The following STAT3 variants were observed in gnomAD, a reference collection of about 807,000 sequenced individuals.
STAT3 encodes the protein DNA-binding protein APRF.
A neutral mutation model predicts 114.3 loss-of-function variants in STAT3; 7 were observed. The ratio of observed to expected loss-of-function variants is 0.06; its 90% CI spans 0.03 to 0.11. The LOEUF (loss-of-function observed/expected upper bound fraction) is 0.11. Among genes scored for constraint, STAT3 ranks in the 10% least tolerant of loss-of-function variants. The pLI is 1.00. For missense variants in STAT3, 364 were observed against 960.9 expected (o/e 0.38, Z 8.21); for synonymous variants, 331 against 354.5 (o/e 0.93, Z 0.74).
chr17:42,377,253 GTTTTTT>G (rs2084522096), intron 1 of STAT3, among the ~76,000 whole-genome samples: 1 of 151,980 alleles, frequency 6.6e-6, no homozygotes, highest in South Asian at 2.1e-4. Context: ...TTTTGTTTTT[GTTTTTT>G]GAGACAGAAT....
rs1401209656 is a variant in STAT3, at chr17:42,330,785, G to T, written c.1109+687C>A. ...GTATATGTATTTTACATCCTGAAAG[G>T]TATTGTGAAATTTTGCGTATTCCAT... On this transcript the variant is annotated intron_variant, in intron 11 of 23. Transcript: ENST00000264657. Among the ~76,000 whole-genome samples, 3 of 152,064 alleles carry T rather than the reference G, an allele frequency of 2.0e-5. No individual in the cohort carries two copies. In the East Asian group the frequency reaches 5.8e-4, roughly 29 times the overall value.
At chr17:42,370,397 C>T (rs901364668) in intron 1 of STAT3, among the ~76,000 whole-genome samples, 5 of 151,760 alleles carry the variant, frequency 3.3e-5, no homozygotes, top group African/African-American at 1.2e-4. Flanking sequence ...AGGCGCCTGC[C>T]ACCACACCTG....
At chr17:42,384,015 C>T (rs1384263063) in intron 1 of STAT3, among the ~76,000 whole-genome samples, 2 of 152,214 alleles carry the variant, frequency 1.3e-5, no homozygotes, top group African/African-American at 2.4e-5. Context: ...CACTGATTTA[C>T]TTTGTACAAA....
chr17:42,355,911 G>A (rs1394532562), intron 1 of STAT3, among the ~76,000 whole-genome samples: 1 of 152,206 alleles, frequency 6.6e-6, no homozygotes, highest in Non-Finnish European at 1.5e-5. Context: ...CGGAAAGAGA[G>A]ACGAAAATCA....
At chr17:42,341,179 G>T (rs773960637) in intron 4 of STAT3, among the ~76,000 whole-genome samples, 1 of 152,120 alleles carries the variant, frequency 6.6e-6, no homozygotes, top group Non-Finnish European at 1.5e-5. Context: ...CATGATTAAC[G>T]ATCACCCACA....
chr17:42,328,586 T>G (rs1421564305), intron 14 of STAT3, among the ~76,000 whole-genome samples: 1 of 152,150 alleles, frequency 6.6e-6, no homozygotes, highest in Non-Finnish European at 1.5e-5. Flanking sequence ...TTTTGTATCT[T>G]TAGTAGAGAC....
At chr17:42,379,875 C>T (rs760740541) in intron 1 of STAT3, among the ~76,000 whole-genome samples, 16 of 152,014 alleles carry the variant, frequency 1.1e-4, no homozygotes, top group Admixed American at 6.6e-4. Flanking sequence ...AATGTAAGTC[C>T]CCCATCCCTA....
At chr17:42,362,747 C>T (rs755958759) in intron 1 of STAT3, among the ~76,000 whole-genome samples, 14 of 152,180 alleles carry the variant, frequency 9.2e-5, no homozygotes, top group Non-Finnish European at 1.6e-4. Flanking sequence ...AGCCCAATAG[C>T]GTGCAGCATG....
intron 1 of STAT3, among the ~76,000 whole-genome samples, chr17:42,356,456 G>A (rs1028274433): frequency 2.0e-5 from 3 of 150,354 alleles, no homozygotes; most frequent in Non-Finnish European, 4.4e-5. Context: ...CCCTGTCTCC[G>A]AAAAAATAAA....
Position 42,333,733 on chromosome 17 carries a change from G to C in STAT3, c.989C>G (p.Pro330Arg), listed in dbSNP as rs1427784630. Residue 330 changes from proline (P) to arginine (R), a missense_variant, in exon 10 of 24, where the codon CCC becomes CGC. Around this residue, in one of 5 missense-constraint regions of STAT3, gnomAD observed 294 missense variants for 745.1 expected, o/e 0.39. Transcript: ENST00000264657. This position sits in a 1 kb window ranked among gnomAD's most constrained non-coding sequence, Gnocchi z 5.2. ...AFVVERQPCM[P>R]MHPDRPLVIK... ...GACGAGGGGCCGGTCAGGATGCATGGGCATGCAGGGCTGCCGCTCCACCAC... is the reference window on the plus strand; with the variant it reads ...GACGAGGGGCCGGTCAGGATGCATGCGCATGCAGGGCTGCCGCTCCACCAC... 6.2e-7 allele frequency: 1 copy of C among 1,614,148 alleles called. No individual in the cohort carries two copies. Among genetic ancestry groups the C allele is most frequent in the Non-Finnish European group, 8.5e-7 (1 of 1,180,042 alleles).
intron 1 of STAT3, among the ~76,000 whole-genome samples, chr17:42,369,540 T>A (rs897143313): frequency 6.6e-6 from 1 of 152,188 alleles, no homozygotes; most frequent in South Asian, 2.1e-4. Flanking sequence ...AAACAGCAAA[T>A]CTATTACTGC....
intron 4 of STAT3, among the ~76,000 whole-genome samples, chr17:42,342,084 C>A (rs2082464729): frequency 6.6e-6 from 1 of 152,120 alleles, no homozygotes; most frequent in South Asian, 2.1e-4. Flanking sequence ...CCTAGTGCTG[C>A]CTGAGCAAAT....
intron 1 of STAT3, among the ~76,000 whole-genome samples, chr17:42,353,736 C>G (rs866001046): frequency 6.6e-6 from 1 of 152,254 alleles, no homozygotes; most frequent in East Asian, 1.9e-4. Flanking sequence ...CAATGTTCAG[C>G]TAATTTTTTG....
intron 14 of STAT3, 129 bp downstream of exon 14, chr17:42,329,281 G>A (rs2081884233): frequency 3.6e-6 from 5 of 1,393,986 alleles, no homozygotes; most frequent in South Asian, 1.2e-5. Context: ...GGCCTGAAGT[G>A]ACTTTTTGGA....
intron 1 of STAT3, among the ~76,000 whole-genome samples, chr17:42,384,522 C>T (rs906125130): frequency 1.3e-5 from 2 of 151,814 alleles, no homozygotes; most frequent in African/African-American, 2.4e-5. Flanking sequence ...TCACTTCTCC[C>T]CTACTTACCC....
At chr17:42,360,364 G>A (rs1027876156) in intron 1 of STAT3, among the ~76,000 whole-genome samples, 1 of 151,550 alleles carries the variant, frequency 6.6e-6, no homozygotes, top group Admixed American at 6.6e-5. Flanking sequence ...GGGAATTTTG[G>A]CCAGGCTCAG....
At chr17:42,347,410 C>T (rs563828329) in intron 2 of STAT3, among the ~76,000 whole-genome samples, 29 of 152,294 alleles carry the variant, frequency 1.9e-4, no homozygotes, top group Non-Finnish European at 4.4e-5. Context: ...TGGCCCTTCA[C>T]CAAATCAGAG....
intron 1 of STAT3, among the ~76,000 whole-genome samples, chr17:42,363,967 A>T (rs1380013559): frequency 6.6e-6 from 1 of 152,100 alleles, no homozygotes; most frequent in African/African-American, 2.4e-5. Context: ...TCCCCACGGT[A>T]CATATATAAG....
intron 1 of STAT3, among the ~76,000 whole-genome samples, chr17:42,371,936 TTG>T (rs2084171474): frequency 6.6e-6 from 1 of 152,250 alleles, no homozygotes; most frequent in East Asian, 1.9e-4. Context: ...TGAGCCGAGA[TTG>T]CGCCATTGCA....
Sources: gnomAD v4.1 joint callset for allele counts (sites outside exome capture counted in the v4.1 genomes callset) on GRCh38, gnomAD v4.1.1 for gene constraint, gnomAD v4.1.1 regional missense constraint, Gnocchi (gnomAD v3.1) non-coding constraint, MANE v1.5 for transcripts, NCBI Gene and HGNC (gene_info 2026-07-23, HGNC 2026-07-21) for gene names.